The following CASP2 variants were observed in gnomAD, a reference collection of about 807,000 sequenced individuals.
CASP2 encodes the protein caspase-2.
CASP2 carries 38 observed loss-of-function variants against 54.4 expected under a neutral mutation model. That is an observed-to-expected ratio of 0.70 (90% confidence interval 0.54 to 0.92). The LOEUF (loss-of-function observed/expected upper bound fraction) is 0.92, where lower values mean the gene tolerates loss of function less well. Ranked by LOEUF, CASP2 falls within the 40% of genes least tolerant of loss-of-function variation. CASP2 has a pLI of 0.00. For synonymous variants in CASP2, 215 were observed against 216.3 expected, an observed-to-expected ratio of 0.99 and a Z score of 0.05; for missense variants, 512 against 579.6, an observed-to-expected ratio of 0.88 and a Z score of 1.20.
At position 143,306,210 on chromosome 7, in the gene CASP2, T is replaced by G. The variant is rs1008238110; in HGVS notation, c.*1139T>G. The G allele has an allele frequency of 1.3e-5, 2 of 151,746 alleles. No homozygotes were observed. Among genetic ancestry groups the G allele is most frequent in the Non-Finnish European group, 2.9e-5 (2 of 67,946 alleles). The allele number at this position is 151,746 out of a possible 1,614,324, so 9.4% of individuals were successfully genotyped here. A position where few individuals can be genotyped will look rare whatever the true frequency, so the allele number is the denominator to read the frequency against. Reference sequence around the variant, plus strand: ...TTTTCAACCTAGAAACCTTTATCCCTGCTTATCTGAAACTTCCCAACTTCC... The same window carrying G: ...TTTTCAACCTAGAAACCTTTATCCCGGCTTATCTGAAACTTCCCAACTTCC... On this transcript the variant is annotated 3_prime_UTR_variant, in exon 11 of 11. Coordinates refer to ENST00000310447, the MANE Select transcript of CASP2 (RefSeq NM_032982.4).
At position 143,303,673 on chromosome 7, in the gene CASP2, G is replaced by C. The variant is rs545242647; in HGVS notation, c.968-111G>C. 8.9e-6 allele frequency: 8 copies of C among 895,954 alleles called. No homozygotes were observed. The South Asian group carries it at 1.1e-4, about 13-fold the overall frequency. The allele number at this position is 895,954 out of a possible 1,614,324, so 55.5% of individuals were successfully genotyped here. A position where few individuals can be genotyped will look rare whatever the true frequency, so the allele number is the denominator to read the frequency against. On this transcript the variant is annotated intron_variant, in intron 8 of 10. Transcript: ENST00000310447. ...AGCCATAGGTTGGAGGCAACAGCTG[G>C]AAATGGCTCTTCCCCTTCAAGGTTG...
chr7:143,295,496 A>G (rs1413146100), intron 6 of CASP2, among the ~76,000 whole-genome samples: 2 of 152,234 alleles, frequency 1.3e-5, no homozygotes, highest in Admixed American at 6.5e-5. Context: ...TTTGCAATCA[A>G]TAATGGCCTA....
At chr7:143,296,781 A>G (rs1005836407) in intron 6 of CASP2, among the ~76,000 whole-genome samples, 1 of 147,904 alleles carries the variant, frequency 6.8e-6, no homozygotes, top group African/African-American at 2.6e-5. Context: ...AATCTTTCTT[A>G]CTTAAGAGAG....
intron 1 of CASP2, chr7:143,289,706 C>A: frequency 1.6e-6 from 1 of 628,276 alleles, no homozygotes; most frequent in Non-Finnish European, 2.0e-6. Flanking sequence ...ACTGCTTTGA[C>A]GTATTCGAAA....
Position 143,307,169 on chromosome 7 carries a change from T to C in CASP2, c.*2098T>C, listed in dbSNP as rs1357511871. 1 of 152,216 alleles carries C rather than the reference T, an allele frequency of 6.6e-6. No individual in the cohort carries two copies. The highest frequency in any genetic ancestry group is 1.5e-5 in the Non-Finnish European group (1 of 68,050). The allele number at this position is 152,216 out of a possible 1,614,324, so 9.4% of individuals were successfully genotyped here. On this transcript the variant is annotated 3_prime_UTR_variant, in exon 11 of 11. Transcript: ENST00000310447. ...TTTCCCCTCATTGCATTTATTGCAG[T>C]TTATATATATGCTACTTTTACTTGT...
intron 1 of CASP2, 97 bp from the exon 2 acceptor site, chr7:143,291,443 C>G: frequency 8.2e-7 from 1 of 1,216,558 alleles, no homozygotes; most frequent in Non-Finnish European, 1.2e-6. Flanking sequence ...TATTGTAAGT[C>G]TTATTCTTTT....
intron 4 of CASP2, among the ~76,000 whole-genome samples, chr7:143,293,570 T>G (rs1801652782): frequency 6.6e-6 from 1 of 151,522 alleles, no homozygotes; most frequent in African/African-American, 2.4e-5. Context: ...AGTGCAATGG[T>G]GCAGTCTCGG....
chr7:143,293,109 TTTTTG>T, intron 4 of CASP2: 1 of 628,038 alleles, frequency 1.6e-6, no homozygotes, highest in Non-Finnish European at 2.7e-6. Context: ...TGAGCCCTTT[TTTTTG>T]TTTTTTTTTT....
At chr7:143,294,481 C>T in intron 5 of CASP2, 116 bp from the exon 6 acceptor site, 7 of 1,144,086 alleles carry the variant, frequency 6.1e-6, no homozygotes, top group Non-Finnish European at 9.2e-6. Flanking sequence ...TCTATTTTTA[C>T]CTGCTGGAGG....
chr7:143,293,387 C>G (rs531147965), intron 4 of CASP2, among the ~76,000 whole-genome samples: 19 of 152,168 alleles, frequency 1.2e-4, no homozygotes, highest in Admixed American at 2.6e-4. Context: ...CTTGGCCTCC[C>G]AAAGTGCTGG....
intron 8 of CASP2, chr7:143,303,193 T>G (rs1801965851): frequency 6.6e-6 from 1 of 152,158 alleles, no homozygotes; most frequent in African/African-American, 2.4e-5. Flanking sequence ...ATAATTTATC[T>G]TATGAAATTA....
rs1801688270 is a variant in CASP2 at position 143,294,644 on chromosome 7, C to T, written c.618C>T (p.Ser206=). 6.2e-7 allele frequency: 1 copy of T among 1,614,094 alleles called. No homozygotes were observed. The highest frequency in any genetic ancestry group is 1.3e-5 in the African/African-American group (1 of 74,924). The change falls in exon 6 of 11, where the codon AGC becomes AGT. Residue 206 remains serine (S), a synonymous_variant. Coordinates refer to ENST00000310447, the MANE Select transcript of CASP2 (RefSeq NM_032982.4). ...CTCGTGGCCTAGCACTGGTGTTGAG[C>T]AATGTGCACTTCACTGGAGAGAAAG... is the stretch of plus-strand genomic sequence containing the variant. ...SRPRGLALVL[S]NVHFTGEKEL...
chr7:143,298,208 T>A (rs1221545252), intron 6 of CASP2, among the ~76,000 whole-genome samples: 1 of 152,256 alleles, frequency 6.6e-6, no homozygotes, highest in Non-Finnish European at 1.5e-5. Context: ...TATGTTATAT[T>A]ATAGAAGTGT....
chr7:143,288,421 G>A lies in CASP2; in HGVS notation c.-35G>A. 6.2e-7 allele frequency: 1 copy of A among 1,607,618 alleles called. No homozygotes were observed. Among genetic ancestry groups the A allele is most frequent in the Non-Finnish European group, 8.5e-7 (1 of 1,176,262 alleles). ...GGCCCCCGGTTTGTTTGGGCTGTGG[G>A]CGGTGCGCAGCGGAGAGCCCGGGAA... On this transcript the variant is annotated 5_prime_UTR_variant, in exon 1 of 11. Coordinates refer to ENST00000310447, the MANE Select transcript of CASP2 (RefSeq NM_032982.4).
intron 8 of CASP2, chr7:143,300,768 T>A (rs1801894392): frequency 7.6e-6 from 9 of 1,185,950 alleles, no homozygotes; most frequent in Non-Finnish European, 8.5e-6. Flanking sequence ...TCTTCTTTCT[T>A]CTTACCATTC....
chr7:143,292,730 G>A (rs1191983043), intron 4 of CASP2, 32 bp downstream of exon 4: 1 of 1,564,264 alleles, frequency 6.4e-7, no homozygotes, highest in Non-Finnish European at 8.8e-7. Flanking sequence ...GGGGTCCCAG[G>A]CCAGGTGCCA....
chr7:143,305,484 T>C lies in CASP2; in HGVS notation c.*413T>C. On this transcript the variant is annotated 3_prime_UTR_variant, in exon 11 of 11. Transcript: ENST00000310447. ...GTCTGAGAGACCATCTCCTATCTTT[T>C]ATTTCATTCATATCCTCCGCCCTTT... is the stretch of plus-strand genomic sequence containing the variant. 3.2e-6 allele frequency: 1 copy of C among 315,180 alleles called. No homozygotes were observed. Among genetic ancestry groups the C allele is most frequent in the Non-Finnish European group, 6.2e-6 (1 of 160,904 alleles). The allele number at this position is 315,180 out of a possible 1,614,324, so 19.5% of individuals were successfully genotyped here.
intron 6 of CASP2, among the ~76,000 whole-genome samples, chr7:143,296,778 CTTACT>C (rs1482344418): frequency 5.4e-5 from 8 of 147,206 alleles, no homozygotes; most frequent in Non-Finnish European, 8.8e-5. Flanking sequence ...TCAAATCTTT[CTTACT>C]TAAGAGAGGA....
rs1486981690 is a variant in CASP2 at position 143,304,842 on chromosome 7, T to C, written c.1227+59T>C. ...TCCACAGTGCTCTACTTTCCTCCTC[T>C]CTTGAATGCTCTTTCATAGTCCGTC... On this transcript the variant is annotated intron_variant, in intron 10 of 10. Coordinates refer to ENST00000310447, the MANE Select transcript of CASP2 (RefSeq NM_032982.4). 2.5e-6 allele frequency: 4 copies of C among 1,606,082 alleles called. No individual in the cohort carries two copies. The South Asian group carries it at 4.4e-5, about 18-fold the overall frequency.
Sources: gnomAD v4.1 joint callset for allele counts (sites outside exome capture counted in the v4.1 genomes callset) on GRCh38, gnomAD v4.1.1 for gene constraint, MANE v1.5 for transcripts, NCBI Gene and HGNC (gene_info 2026-07-23, HGNC 2026-07-21) for gene names.